The following ZMAT4 variants were observed in gnomAD, a reference collection of about 807,000 sequenced individuals.
ZMAT4 encodes the protein zinc finger matrin-type protein 4.
In ZMAT4, 17 loss-of-function variants were observed where a neutral mutation model predicts 28.7. That is an observed-to-expected ratio of 0.59 (90% confidence interval 0.41 to 0.89). The LOEUF (loss-of-function observed/expected upper bound fraction) is 0.89. Among genes scored for constraint, ZMAT4 ranks in the 40% least tolerant of loss-of-function variants. The pLI is 0.00. For missense variants in ZMAT4, 240 were observed against 283.8 expected, an observed-to-expected ratio of 0.85 and a Z score of 1.11; for synonymous variants, 117 against 109.2, an observed-to-expected ratio of 1.07 and a Z score of -0.44.
intron 6 of ZMAT4, among the ~76,000 whole-genome samples, chr8:40,537,412 G>A (rs1014629582): frequency 1.3e-5 from 2 of 152,124 alleles, no homozygotes; most frequent in African/African-American, 2.4e-5. Flanking sequence ...CAGGTATTGG[G>A]AACATTCAAG....
intron 1 of ZMAT4, among the ~76,000 whole-genome samples, chr8:40,852,248 T>C (rs927960698): frequency 2.6e-5 from 4 of 152,210 alleles, no homozygotes; most frequent in African/African-American, 9.6e-5. Flanking sequence ...TACCCTCTGT[T>C]CTACTTTATA....
At chr8:40,602,243 C>T in intron 5 of ZMAT4, among the ~76,000 whole-genome samples, 1 of 152,090 alleles carries the variant, frequency 6.6e-6, no homozygotes, top group Non-Finnish European at 1.5e-5. Flanking sequence ...ACATATATAT[C>T]ACGTTTTCTT....
At chr8:40,616,378 A>G (rs1031517481) in intron 5 of ZMAT4, among the ~76,000 whole-genome samples, 14 of 152,374 alleles carry the variant, frequency 9.2e-5, no homozygotes, top group African/African-American at 3.4e-4. Context: ...CAGCCATCCC[A>G]TTACTGGGTA....
At chr8:40,662,335 T>C (rs1808238582) in intron 5 of ZMAT4, among the ~76,000 whole-genome samples, 1 of 152,162 alleles carries the variant, frequency 6.6e-6, no homozygotes. Context: ...TTTGCCCTTT[T>C]CTTGGTCAAC....
intron 5 of ZMAT4, among the ~76,000 whole-genome samples, chr8:40,642,965 C>T (rs1203655727): frequency 7.9e-5 from 12 of 152,216 alleles, no homozygotes; most frequent in Non-Finnish European, 2.9e-5. Context: ...ACCTTATCTA[C>T]TTGTTCCTGT....
intron 3 of ZMAT4, among the ~76,000 whole-genome samples, chr8:40,719,557 A>G (rs1020612738): frequency 3.9e-5 from 6 of 152,018 alleles, no homozygotes; most frequent in Non-Finnish European, 7.4e-5. Flanking sequence ...TGGAGAAGGC[A>G]CTCAAGGCCC....
intron 6 of ZMAT4, among the ~76,000 whole-genome samples, chr8:40,569,723 C>T (rs1804031966): frequency 6.6e-6 from 1 of 152,170 alleles, no homozygotes; most frequent in Non-Finnish European, 1.5e-5. Flanking sequence ...CTGAACAGCC[C>T]TATTGCCTTT....
At chr8:40,546,361 T>C (rs1803202357) in intron 6 of ZMAT4, among the ~76,000 whole-genome samples, 2 of 152,032 alleles carry the variant, frequency 1.3e-5, no homozygotes, top group Non-Finnish European at 2.9e-5. Context: ...CTAGGTTCTA[T>C]GGAGACGTAC....
At position 40,567,199 on chromosome 8, in the gene ZMAT4, C is replaced by T. The variant is rs139104061; in HGVS notation, c.674+13966G>A. 1.4e-3 allele frequency among the ~76,000 whole-genome samples: 218 copies of T among 152,166 alleles called. 1 individual carries two copies. The highest frequency in any genetic ancestry group is 0.011 in the South Asian group (51 of 4,826). Reference sequence around the variant, plus strand: ...GAAATAACACCAACATTTCTGAAAGCGAACTTTATAGATTTTGATTTGTAT... The same window carrying T: ...GAAATAACACCAACATTTCTGAAAGTGAACTTTATAGATTTTGATTTGTAT... On this transcript the variant is annotated intron_variant, in intron 6 of 6. Coordinates refer to ENST00000297737, the MANE Select transcript of ZMAT4 (RefSeq NM_024645.3).
At chr8:40,680,871 T>A (rs1401153146) in intron 4 of ZMAT4, among the ~76,000 whole-genome samples, 1 of 152,156 alleles carries the variant, frequency 6.6e-6, no homozygotes, top group African/African-American at 2.4e-5. Context: ...TTTAGGATAG[T>A]GAAGTTTAAT....
intron 4 of ZMAT4, among the ~76,000 whole-genome samples, chr8:40,680,410 T>C (rs1809104855): frequency 6.6e-6 from 1 of 152,060 alleles, no homozygotes; most frequent in Admixed American, 6.6e-5. Flanking sequence ...CAGACTGGAT[T>C]TAACATCATC....
At chr8:40,570,843 G>C (rs1370360369) in intron 6 of ZMAT4, among the ~76,000 whole-genome samples, 4 of 152,138 alleles carry the variant, frequency 2.6e-5, no homozygotes. Context: ...TCCCAGGCCA[G>C]GTCTATAAGG....
At chr8:40,798,060 G>A (rs907783001) in intron 2 of ZMAT4, among the ~76,000 whole-genome samples, 1 of 152,204 alleles carries the variant, frequency 6.6e-6, no homozygotes, top group East Asian at 1.9e-4. Context: ...CCTAGCAGGG[G>A]AAGCAAGAGG....
At chr8:40,777,283 C>T (rs1017027952) in intron 2 of ZMAT4, among the ~76,000 whole-genome samples, 1 of 152,114 alleles carries the variant, frequency 6.6e-6, no homozygotes, top group Non-Finnish European at 1.5e-5. Context: ...GGAAGGTTGC[C>T]GTGCAGCACA....
At chr8:40,613,180 C>CTTTCTTTTTTTTTTTTTT (rs71224837) in intron 5 of ZMAT4, among the ~76,000 whole-genome samples, 15 of 79,978 alleles carry the variant, frequency 1.9e-4, no homozygotes, top group East Asian at 5.1e-4. Flanking sequence ...TACTTTCTTT[C>CTTTCTTTTTTTTTTTTTT]TTTTTTTTTT....
intron 1 of ZMAT4, among the ~76,000 whole-genome samples, chr8:40,894,143 A>T (rs755716572): frequency 1.8e-4 from 27 of 152,320 alleles, no homozygotes; most frequent in Non-Finnish European, 3.5e-4. Context: ...AGGCCTCAGG[A>T]CAGTGGCACA....
chr8:40,705,344 CGA>C (rs1019984800), intron 3 of ZMAT4, among the ~76,000 whole-genome samples: 22 of 151,942 alleles, frequency 1.4e-4, no homozygotes, highest in South Asian at 1.0e-3. Context: ...TAGAGGGGCC[CGA>C]GAGAGCAAAG....
At chr8:40,702,715 G>A (rs1037158950) in intron 3 of ZMAT4, among the ~76,000 whole-genome samples, 1 of 152,148 alleles carries the variant, frequency 6.6e-6, no homozygotes, top group Non-Finnish European at 1.5e-5. Flanking sequence ...TGAGGAGTTC[G>A]GTGAAACTCC....
intron 1 of ZMAT4, among the ~76,000 whole-genome samples, chr8:40,836,461 A>G (rs747242175): frequency 2.0e-5 from 3 of 152,234 alleles, no homozygotes; most frequent in Non-Finnish European, 2.9e-5. Context: ...AGAGATGATG[A>G]TAGTAGCATT....
Sources: gnomAD v4.1 joint callset for allele counts (sites outside exome capture counted in the v4.1 genomes callset) on GRCh38, gnomAD v4.1.1 for gene constraint, MANE v1.5 for transcripts, NCBI Gene and HGNC (gene_info 2026-07-23, HGNC 2026-07-21) for gene names.